The following CADM2 variants were observed in gnomAD, a reference collection of about 807,000 sequenced individuals.
The protein encoded by CADM2 is cell adhesion molecule 2.
CADM2 carries 12 observed loss-of-function variants against 49.8 expected under a neutral mutation model. The ratio of observed to expected loss-of-function variants is 0.24; its 90% confidence interval spans 0.15 to 0.39. The LOEUF is 0.39. Among genes scored for constraint, CADM2 ranks in the 10% least tolerant of loss-of-function variants. The pLI, the probability that CADM2 is intolerant of heterozygous loss-of-function variation, is 1.00. For synonymous variants in CADM2, 214 were observed against 175.4 expected (o/e 1.22, Z -1.74); for missense variants, 378 against 492.3 (o/e 0.77, Z 2.20).
chr3:85,486,628 C>T (rs573143910), intron 1 of CADM2, among the ~76,000 whole-genome samples: 12 of 151,960 alleles, frequency 7.9e-5, no homozygotes, highest in Non-Finnish European at 1.6e-4. Context: ...CAAATGTTTT[C>T]CAATGGATTC....
intron 1 of CADM2, among the ~76,000 whole-genome samples, chr3:85,256,460 T>G (rs1311526011): frequency 6.6e-6 from 1 of 152,084 alleles, no homozygotes. Flanking sequence ...GTGCTCCTAT[T>G]CAAAAAGAGC....
intron 2 of CADM2, among the ~76,000 whole-genome samples, chr3:85,784,363 T>C (rs2070841025): frequency 6.6e-6 from 1 of 151,772 alleles, no homozygotes; most frequent in Non-Finnish European, 1.5e-5. Flanking sequence ...TTTTTTATTA[T>C]AACTTCTTTG....
chr3:84,995,675 C>T (rs1575995950), intron 1 of CADM2, among the ~76,000 whole-genome samples: 1 of 152,188 alleles, frequency 6.6e-6, no homozygotes, highest in Admixed American at 6.5e-5. Flanking sequence ...TAAGTACTTG[C>T]CTACAAAAGA....
intron 8 of CADM2, among the ~76,000 whole-genome samples, chr3:85,969,490 G>A (rs959160189): frequency 1.1e-4 from 17 of 151,362 alleles, no homozygotes; most frequent in African/African-American, 3.9e-4. Flanking sequence ...ATTTCTCAGT[G>A]AGGCCTTTTT....
chr3:85,777,317 G>A (rs933044484), intron 2 of CADM2, among the ~76,000 whole-genome samples: 8 of 151,680 alleles, frequency 5.3e-5, no homozygotes, highest in South Asian at 2.1e-4. Context: ...GTGTCGTGGC[G>A]TGATCTCAGC....
chr3:85,716,048 A>G (rs1005303062), intron 1 of CADM2, among the ~76,000 whole-genome samples: 1 of 152,140 alleles, frequency 6.6e-6, no homozygotes, highest in African/African-American at 2.4e-5. Context: ...GTCAAATGGT[A>G]TTTCTAGTTC....
intron 1 of CADM2, among the ~76,000 whole-genome samples, chr3:85,655,571 T>C (rs1398133627): frequency 2.0e-5 from 3 of 152,070 alleles, no homozygotes; most frequent in East Asian, 1.9e-4. Flanking sequence ...GTACTAAAAC[T>C]TTGCACAAAC....
intron 1 of CADM2, among the ~76,000 whole-genome samples, chr3:85,263,700 A>G (rs1382074678): frequency 3.3e-5 from 5 of 152,108 alleles, no homozygotes; most frequent in Non-Finnish European, 7.3e-5. Flanking sequence ...TTTTCTAATA[A>G]TTACATCAAT....
intron 1 of CADM2, among the ~76,000 whole-genome samples, chr3:84,976,219 T>C (rs2031806474): frequency 6.6e-6 from 1 of 151,812 alleles, no homozygotes; most frequent in Non-Finnish European, 1.5e-5. Flanking sequence ...TGTGAATTTG[T>C]CATATCTACA....
At chr3:85,931,051 T>C (rs1313180841) in intron 6 of CADM2, among the ~76,000 whole-genome samples, 1 of 151,946 alleles carries the variant, frequency 6.6e-6, no homozygotes, top group Non-Finnish European at 1.5e-5. Context: ...TAGAATAGTA[T>C]ACCAAAATGA....
rs530882168 is a variant in CADM2 at position 86,047,374 on chromosome 3, T to C, written c.971-18231T>C. ...CCCACATGTTTGATCAAGAGCCAGA[T>C]GGAAGCTTTTATCATATTTATTTAA... On this transcript the variant is annotated intron_variant, in intron 8 of 9. Transcript: ENST00000383699. 5.0e-4 allele frequency among the ~76,000 whole-genome samples: 76 copies of C among 152,280 alleles called. No individual in the cohort carries two copies. In the South Asian group the frequency reaches 8.7e-3, roughly 17 times the overall value.
At chr3:85,978,293 G>A (rs1727041866) in intron 8 of CADM2, among the ~76,000 whole-genome samples, 1 of 151,036 alleles carries the variant, frequency 6.6e-6, no homozygotes, top group African/African-American at 2.4e-5. Flanking sequence ...GAGGATTTGG[G>A]CATTAAACAC....
chr3:85,569,213 T>C (rs2062404763), intron 1 of CADM2, among the ~76,000 whole-genome samples: 1 of 152,060 alleles, frequency 6.6e-6, no homozygotes, highest in Non-Finnish European at 1.5e-5. Flanking sequence ...ATGTACCTTT[T>C]AGATTCTTTT....
chr3:86,035,085 T>C (rs77006007), intron 8 of CADM2, among the ~76,000 whole-genome samples: 2,951 of 152,126 alleles, frequency 0.019, 96 homozygotes, highest in African/African-American at 0.067. Context: ...TGTCATGGAG[T>C]AAAATCCAGA....
intron 1 of CADM2, among the ~76,000 whole-genome samples, chr3:85,553,284 ATC>A (rs35875166): frequency 0.59 from 90,041 of 151,682 alleles, 28,191 homozygotes; most frequent in East Asian, 0.93. Context: ...GGTACTCTAG[ATC>A]TAGTTTATTG....
intron 1 of CADM2, among the ~76,000 whole-genome samples, chr3:85,454,778 C>G (rs986796582): frequency 6.6e-6 from 1 of 152,170 alleles, no homozygotes; most frequent in South Asian, 2.1e-4. Context: ...ATGCAACTAT[C>G]GTTGTTGCCT....
At chr3:85,535,818 T>G (rs2106992895) in intron 1 of CADM2, among the ~76,000 whole-genome samples, 1 of 152,216 alleles carries the variant, frequency 6.6e-6, no homozygotes, top group South Asian at 2.1e-4. Flanking sequence ...TGAAGGGAAA[T>G]TAGCATGGTT....
Position 85,734,810 on chromosome 3 carries a change from T to A in CADM2, c.88+8262T>A, listed in dbSNP as rs1043453283. ...TCTCTTTCTTTTTCTGCCTTTTTTC[T>A]TTTTAAATATAATAGACACGTTAAG... On this transcript the variant is annotated intron_variant, in intron 2 of 9. Coordinates refer to ENST00000383699, the MANE Select transcript of CADM2 (RefSeq NM_001167675.2). Among the ~76,000 whole-genome samples the A allele has an allele frequency of 3.3e-5, 5 of 150,260 alleles. 1 individual carries two copies. Among genetic ancestry groups the A allele is most frequent in the Middle Eastern group, 7.1e-3 (2 of 280 alleles).
At chr3:85,675,730 G>T (rs2107644861) in intron 1 of CADM2, among the ~76,000 whole-genome samples, 1 of 152,256 alleles carries the variant, frequency 6.6e-6, no homozygotes, top group African/African-American at 2.4e-5. Flanking sequence ...AAACCATTCT[G>T]CAGATGTCAT....
Sources: gnomAD v4.1 joint callset for allele counts (sites outside exome capture counted in the v4.1 genomes callset) on GRCh38, gnomAD v4.1.1 for gene constraint, MANE v1.5 for transcripts, NCBI Gene and HGNC (gene_info 2026-07-23, HGNC 2026-07-21) for gene names.